Variants in FNBP4 observed in about 807,000 individuals in gnomAD.
FNBP4 encodes the protein formin-binding protein 4.
A neutral mutation model predicts 119.3 loss-of-function variants in FNBP4; 34 were observed. The observed-to-expected ratio is 0.28, with a 90% CI of 0.22 to 0.38. The LOEUF (loss-of-function observed/expected upper bound fraction) is 0.38. Ranked by LOEUF, FNBP4 falls within the 10% of genes least tolerant of loss-of-function variation. The pLI is 1.00. For missense variants in FNBP4, 1,112 were observed against 1,228.9 expected (o/e 0.90, Z 1.42); for synonymous variants, 462 against 430.6 (o/e 1.07, Z -0.90).
intron 2 of FNBP4, among the ~76,000 whole-genome samples, chr11:47,755,375 G>C (rs1211092121): frequency 6.6e-6 from 1 of 151,790 alleles, no homozygotes. Context: ...CTTGAACTCG[G>C]GAGGCGGAGG....
chr11:47,754,731 CG>C, intron 2 of FNBP4, 67 bp from the exon 3 acceptor site: 6 of 1,540,804 alleles, frequency 3.9e-6, no homozygotes, highest in South Asian at 1.2e-5. Flanking sequence ...GCATCTAAAG[CG>C]GAAGTATAAC....
chr11:47,739,861 C>T (rs1033368317), intron 8 of FNBP4, among the ~76,000 whole-genome samples: 4 of 152,184 alleles, frequency 2.6e-5, no homozygotes, highest in African/African-American at 9.6e-5. Context: ...TCACCACAAC[C>T]TCCATCTCCC....
At chr11:47,755,100 C>T (rs1416372383) in intron 2 of FNBP4, among the ~76,000 whole-genome samples, 1 of 148,854 alleles carries the variant, frequency 6.7e-6, no homozygotes, top group African/African-American at 2.5e-5. Flanking sequence ...CGCCACTGCA[C>T]TCCACCCTGG....
At chr11:47,735,859 C>A (rs558282849) in intron 9 of FNBP4, among the ~76,000 whole-genome samples, 93 of 151,982 alleles carry the variant, frequency 6.1e-4, no homozygotes, top group African/African-American at 2.2e-3. Context: ...GCAGGTGTAT[C>A]ACGAGGTCAG....
chr11:47,720,851 C>T (rs1458977782), intron 15 of FNBP4, among the ~76,000 whole-genome samples: 5 of 150,810 alleles, frequency 3.3e-5, no homozygotes, highest in East Asian at 2.0e-4. Flanking sequence ...GTGGCGGCGG[C>T]GGTGGGCGAC....
At chr11:47,757,904 G>C (rs111831548) in intron 2 of FNBP4, among the ~76,000 whole-genome samples, 36 of 152,264 alleles carry the variant, frequency 2.4e-4, no homozygotes, top group African/African-American at 7.9e-4. Context: ...CAAACTCCTG[G>C]CCTCAAATGA....
In FNBP4 at chr11:47,732,364, C is replaced by CT. The variant is rs1182013700; in HGVS notation, c.1820+172dup. On this transcript the variant is annotated intron_variant, in intron 11 of 16. Transcript: ENST00000263773. This position sits in a 1 kb window ranked among gnomAD's most constrained non-coding sequence, Gnocchi z 4.2. ...AACACTTTAAACATTGCTTTTGTTT[C>CT]TCCAATGTGTGGCTGGCCAAACTTT... 6.6e-7 allele frequency: 1 copy of CT among 1,507,040 alleles called. No homozygotes were observed. Among genetic ancestry groups the CT allele is most frequent in the Non-Finnish European group, 8.8e-7 (1 of 1,132,004 alleles). 93.4% of individuals were successfully genotyped at this position (1,507,040 alleles called of 1,614,324 possible).
At chr11:47,752,165 T>C (rs957867758) in intron 4 of FNBP4, among the ~76,000 whole-genome samples, 1 of 152,132 alleles carries the variant, frequency 6.6e-6, no homozygotes, top group African/African-American at 2.4e-5. Flanking sequence ...GGCTCAAACC[T>C]GTAATCACAG....
chr11:47,729,603 G>A, intron 12 of FNBP4: 19 of 939,152 alleles, frequency 2.0e-5, no homozygotes, highest in Non-Finnish European at 2.4e-5. Flanking sequence ...TCAAAATCTT[G>A]GGCTCAACCA....
In FNBP4 at chr11:47,723,041, G is replaced by A. The variant is rs373703937; in HGVS notation, c.2740C>T (p.Pro914Ser). The A allele has an allele frequency of 1.3e-6, 2 of 1,579,128 alleles. No individual in the cohort carries two copies. ...ATTTTGGGAGCTGGTGGTGGTGGAG[G>A]AGGAGGAGGAGGAGGTGGTGGTGGT... ...EPPPPPPPPP[P>S]PPPPAPKMPP... is the part of the protein sequence containing the mutation. The change falls in exon 15 of 17, where the codon CCT becomes TCT. Residue 914 changes from proline (P) to serine (S), a missense_variant. Transcript: ENST00000263773.
At chr11:47,739,253 A>G (rs2097578431) in intron 8 of FNBP4, among the ~76,000 whole-genome samples, 2 of 152,002 alleles carry the variant, frequency 1.3e-5, no homozygotes, top group Non-Finnish European at 1.5e-5. Flanking sequence ...TAAGTCCTTA[A>G]CCTTATAATA....
chr11:47,732,093 T>C lies in FNBP4; in HGVS notation c.1820+444A>G, dbSNP rs1231582806. On this transcript the variant is annotated intron_variant, in intron 11 of 16. Coordinates refer to ENST00000263773, the MANE Select transcript of FNBP4 (RefSeq NM_015308.5). This position sits in a 1 kb window ranked among gnomAD's most constrained non-coding sequence, Gnocchi z 4.2. Reference sequence around the variant, plus strand: ...AAAAAAAATCAAGAAAAGCCAAATATATAAAGAAATGTTTTCATCTGACCT... The same window carrying C: ...AAAAAAAATCAAGAAAAGCCAAATACATAAAGAAATGTTTTCATCTGACCT... 2.0e-6 allele frequency: 2 copies of C among 993,960 alleles called. No individual in the cohort carries two copies. Among genetic ancestry groups the C allele is most frequent in the Non-Finnish European group, 1.2e-6 (1 of 835,878 alleles). 61.6% of individuals were successfully genotyped at this position (993,960 alleles called of 1,614,324 possible).
intron 2 of FNBP4, among the ~76,000 whole-genome samples, chr11:47,756,345 C>T (rs1033555306): frequency 1.2e-4 from 19 of 152,164 alleles, no homozygotes; most frequent in Admixed American, 1.0e-3. Flanking sequence ...ACACATTCTA[C>T]GCTCACTAAA....
intron 2 of FNBP4, among the ~76,000 whole-genome samples, chr11:47,759,476 A>C (rs1290703878): frequency 6.6e-6 from 1 of 151,886 alleles, no homozygotes; most frequent in Non-Finnish European, 1.5e-5. Context: ...GGCCTCCGAA[A>C]GTGCTGAGAT....
At position 47,765,374 on chromosome 11, in the gene FNBP4, A is replaced by AAAAAGAAAAGAAAAGAAAAGAAAAG. The variant is rs3842251; in HGVS notation, c.221-37_221-13dup. 1.7e-4 allele frequency: 180 copies of AAAAAGAAAAGAAAAGAAAAGAAAAG among 1,033,592 alleles called. 1 individual carries two copies. The highest frequency in any genetic ancestry group is 7.4e-4 in the African/African-American group (41 of 55,516). 64.0% of individuals were successfully genotyped at this position (1,033,592 alleles called of 1,614,324 possible). A position where few individuals can be genotyped will look rare whatever the true frequency, so the allele number is the denominator to read the frequency against. On this transcript the variant is annotated splice_polypyrimidine_tract_variant and intron_variant, in intron 1 of 16. Transcript: ENST00000263773. The stretch of plus-strand genomic sequence containing the variant: ...CGCTTCCTGTTCATCTGGATTAAAA[A>AAAAAGAAAAGAAAAGAAAAGAAAAG]AAAAGAAAAGAAAAGAAAAGAAAAG...
chr11:47,767,134 G>C lies in FNBP4; in HGVS notation c.155C>G (p.Ser52Trp). ...CGCGGTGGTGGTGGTCGTCGCCGCC[G>C]ACGGGGCGGGCTGGCTGGGGACCGC... ...TAAVPSQPAP[S>W]AATTTTTAVT... The change falls in exon 1 of 17, where the codon TCG becomes TGG. Residue 52 changes from serine to tryptophan, a missense_variant. By Grantham distance (177) the Ser-to-Trp change is radical. Transcript: ENST00000263773. The C allele has an allele frequency of 6.5e-6, 10 of 1,542,992 alleles. No homozygotes were observed. The highest frequency in any genetic ancestry group is 8.7e-6 in the Non-Finnish European group (10 of 1,149,946).
chr11:47,717,128 C>T lies in FNBP4; in HGVS notation c.*294G>A, dbSNP rs2097550827. 3.8e-6 allele frequency: 1 copy of T among 261,840 alleles called. No homozygotes were observed. Among genetic ancestry groups the T allele is most frequent in the Non-Finnish European group, 7.3e-6 (1 of 137,762 alleles). The allele number at this position is 261,840 out of a possible 1,614,324, so 16.2% of individuals were successfully genotyped here. A position where few individuals can be genotyped will look rare whatever the true frequency, so the allele number is the denominator to read the frequency against. ...GAGTCCTCTACAGAAGTGTTATACT[C>T]ATGAGCCACATGTTCTTCAAGACTG... On this transcript the variant is annotated 3_prime_UTR_variant, in exon 17 of 17. Transcript: ENST00000263773.
intron 1 of FNBP4, among the ~76,000 whole-genome samples, chr11:47,765,938 G>A (rs1268190224): frequency 1.6e-5 from 2 of 125,302 alleles, no homozygotes; most frequent in East Asian, 2.8e-4. Flanking sequence ...CGCCTACCTC[G>A]GCCTCCCAAA....
chr11:47,729,240 A>G, intron 12 of FNBP4: 1 of 985,378 alleles, frequency 1.0e-6, no homozygotes, highest in Non-Finnish European at 1.2e-6. Context: ...TGAAGAGCTC[A>G]GTTTAGCAAT....
Sources: allele counts gnomAD v4.1 joint callset (sites outside exome capture counted in the v4.1 genomes callset), GRCh38; gene constraint gnomAD v4.1.1; non-coding constraint Gnocchi (gnomAD v3.1); transcripts MANE v1.5; gene names NCBI Gene and HGNC (gene_info 2026-07-23, HGNC 2026-07-21).